PDS5B: variants seen among roughly 807,000 people sequenced by gnomAD.
PDS5B encodes sister chromatid cohesion protein PDS5 homolog B.
PDS5B carries 51 observed loss-of-function variants against 184.1 expected under a neutral mutation model. The observed-to-expected ratio is 0.28, with a 90% confidence interval of 0.22 to 0.35. The LOEUF (loss-of-function observed/expected upper bound fraction) is 0.35. Ranked by LOEUF, PDS5B falls within the 10% of genes least tolerant of loss-of-function variation. The pLI, the probability that PDS5B is intolerant of heterozygous loss-of-function variation, is 1.00. For synonymous variants in PDS5B, 566 were observed against 569.2 expected (o/e 0.99, Z 0.08); for missense variants, 1,180 against 1,723.3 (o/e 0.68, Z 5.58).
intron 1 of PDS5B, among the ~76,000 whole-genome samples, chr13:32,638,385 T>G (rs928335115): frequency 6.6e-6 from 1 of 152,228 alleles, no homozygotes; most frequent in African/African-American, 2.4e-5. Flanking sequence ...TGCTAGTGAC[T>G]GTGGCAAAAG....
In PDS5B at chr13:32,775,097, C is replaced by CATTTTT; in HGVS notation, c.*45_*46insATTTTT. 4 of 862,708 alleles carry CATTTTT rather than the reference C, an allele frequency of 4.6e-6. No homozygotes were observed. Among genetic ancestry groups the CATTTTT allele is most frequent in the Non-Finnish European group, 6.8e-6 (4 of 591,422 alleles). 53.4% of individuals were successfully genotyped at this position (862,708 alleles called of 1,614,324 possible). ...TTCTCTGTGAAAGCTTTGGAAAAAT[C>CATTTTT]TTTTTTTTTTTTTTTGGTCAAGCTT... is the stretch of plus-strand genomic sequence containing the variant. On this transcript the variant is annotated 3_prime_UTR_variant, in exon 35 of 35. Coordinates refer to ENST00000315596, the MANE Select transcript of PDS5B (RefSeq NM_015032.4).
chr13:32,706,933 G>T lies in PDS5B; in HGVS notation c.1857-1G>T. 1 of 1,588,990 alleles carries T rather than the reference G, an allele frequency of 6.3e-7. No homozygotes were observed. Among genetic ancestry groups the T allele is most frequent in the Admixed American group, 1.8e-5 (1 of 56,314 alleles). The stretch of plus-strand genomic sequence containing the variant: ...AAATGACTTTTTTGGTCATATTTTA[G>T]TGCTCTTATTAAACAAGTGAACAAA... On this transcript the variant is annotated splice_acceptor_variant, in intron 17 of 34. Transcript: ENST00000315596. LOFTEE classifies it high-confidence loss of function.
chr13:32,632,946 C>T (rs2140580392), intron 1 of PDS5B, among the ~76,000 whole-genome samples: 1 of 151,956 alleles, frequency 6.6e-6, no homozygotes, highest in South Asian at 2.1e-4. Flanking sequence ...TACTAAAATA[C>T]AAAAATTAGC....
intron 10 of PDS5B, among the ~76,000 whole-genome samples, chr13:32,681,318 T>C (rs941079270): frequency 1.3e-5 from 2 of 152,148 alleles, no homozygotes; most frequent in Admixed American, 6.5e-5. Flanking sequence ...ATCCTTGCTT[T>C]TGTTTGAAAG....
At chr13:32,610,246 C>T (rs186467169) in intron 1 of PDS5B, among the ~76,000 whole-genome samples, 1 of 151,936 alleles carries the variant, frequency 6.6e-6, no homozygotes, top group African/African-American at 2.4e-5. Flanking sequence ...TTAAGGGAGC[C>T]CAATACAAAA....
chr13:32,683,790 C>G (rs1222517218), intron 10 of PDS5B, 88 bp from the exon 11 acceptor site: 7 of 814,522 alleles, frequency 8.6e-6, no homozygotes. Context: ...TATTGTTTTG[C>G]TAGGGCTTAT....
chr13:32,606,786 C>T lies in PDS5B; in HGVS notation c.-20+20193C>T, dbSNP rs145337018. ...TTCTTTTTACTGTTTTTCCTCTAAA[C>T]TTCTCTTCTTGCTTCATTTCATTCA... On this transcript the variant is annotated intron_variant, in intron 1 of 34. Transcript: ENST00000315596. 8.4e-3 allele frequency among the ~76,000 whole-genome samples: 1,284 copies of T among 152,250 alleles called. 21 individuals carry two copies. The highest frequency in any genetic ancestry group is 0.03 in the African/African-American group (1,240 of 41,528).
intron 1 of PDS5B, among the ~76,000 whole-genome samples, chr13:32,622,928 G>T (rs879680843): frequency 4.6e-5 from 7 of 152,218 alleles, no homozygotes; most frequent in Non-Finnish European, 1.0e-4. Context: ...TCGCAGGGCA[G>T]CTGAGTCAGG....
intron 1 of PDS5B, among the ~76,000 whole-genome samples, chr13:32,618,365 G>T (rs1278591127): frequency 2.0e-5 from 3 of 152,192 alleles, no homozygotes; most frequent in Non-Finnish European, 4.4e-5. Context: ...ATGGAAAATT[G>T]TTATAATTAA....
intron 1 of PDS5B, among the ~76,000 whole-genome samples, chr13:32,587,142 C>T (rs2057698175): frequency 6.8e-6 from 1 of 147,574 alleles, no homozygotes; most frequent in African/African-American, 2.4e-5. Flanking sequence ...CGGGCGGGGA[C>T]CGCGGGTCGG....
intron 1 of PDS5B, among the ~76,000 whole-genome samples, chr13:32,630,587 T>C (rs892781425): frequency 6.6e-6 from 1 of 152,170 alleles, no homozygotes; most frequent in African/African-American, 2.4e-5. Context: ...TTCAGAAATA[T>C]AATTGTTCTC....
chr13:32,694,196 T>G (rs1396224277), intron 13 of PDS5B, 27 bp from the exon 14 acceptor site: 2 of 1,451,434 alleles, frequency 1.4e-6, no homozygotes, highest in Non-Finnish European at 1.9e-6. Flanking sequence ...GTTTTGTTAT[T>G]TAAATGTGTA....
At chr13:32,597,991 C>T (rs559597982) in intron 1 of PDS5B, among the ~76,000 whole-genome samples, 8 of 151,838 alleles carry the variant, frequency 5.3e-5, no homozygotes, top group African/African-American at 1.9e-4. Context: ...AGTAGTATGT[C>T]AGCAGTGGAT....
intron 19 of PDS5B, among the ~76,000 whole-genome samples, chr13:32,730,214 A>G (rs1220021157): frequency 2.0e-5 from 3 of 152,066 alleles, no homozygotes; most frequent in East Asian, 1.9e-4. Flanking sequence ...TCCTTTCCCC[A>G]TTGCTTGTTT....
At chr13:32,639,420 C>A (rs1318722636) in intron 1 of PDS5B, among the ~76,000 whole-genome samples, 1 of 152,130 alleles carries the variant, frequency 6.6e-6, no homozygotes, top group Admixed American at 6.5e-5. Context: ...TAAGGAATAA[C>A]ATAAATACAC....
chr13:32,602,176 T>C (rs2057986453), intron 1 of PDS5B, among the ~76,000 whole-genome samples: 1 of 152,164 alleles, frequency 6.6e-6, no homozygotes, highest in Admixed American at 6.5e-5. Context: ...ATATACCATG[T>C]TGGTGTGCTG....
chr13:32,611,874 T>C (rs763737729), intron 1 of PDS5B, among the ~76,000 whole-genome samples: 17 of 152,096 alleles, frequency 1.1e-4, no homozygotes, highest in Non-Finnish European at 2.4e-4. Flanking sequence ...AGTTTGATCA[T>C]TCAGGGTTCC....
chr13:32,671,358 A>T (rs986929964), intron 7 of PDS5B, among the ~76,000 whole-genome samples: 3 of 152,274 alleles, frequency 2.0e-5, no homozygotes, highest in African/African-American at 7.2e-5. Flanking sequence ...CTGTTAGAAG[A>T]AGATGATGAT....
intron 1 of PDS5B, among the ~76,000 whole-genome samples, chr13:32,615,648 G>C (rs2058207503): frequency 6.6e-6 from 1 of 152,172 alleles, no homozygotes; most frequent in Admixed American, 6.5e-5. Context: ...GTAATGAAGA[G>C]TGTGTGAATT....
Sources: gnomAD v4.1 joint callset for allele counts (sites outside exome capture counted in the v4.1 genomes callset) on GRCh38, gnomAD v4.1.1 for gene constraint, MANE v1.5 for transcripts, NCBI Gene and HGNC (gene_info 2026-07-23, HGNC 2026-07-21) for gene names.